Variants in ANKRD33B observed in about 807,000 individuals in gnomAD.
The protein encoded by ANKRD33B is ankyrin repeat domain 33B, also known as ankyrin repeat domain-containing protein 33B.
A neutral mutation model predicts 21.5 loss-of-function variants in ANKRD33B; 6 were observed. The observed-to-expected ratio is 0.28, with a 90% CI of 0.15 to 0.55. The LOEUF is 0.55. Ranked by LOEUF, ANKRD33B falls within the 20% of genes least tolerant of loss-of-function variation. The pLI, the probability that ANKRD33B is intolerant of heterozygous loss-of-function variation, is 0.94. For synonymous variants in ANKRD33B, 347 were observed against 342.4 expected, an observed-to-expected ratio of 1.01 and a Z score of -0.15; for missense variants, 698 against 747.2, an observed-to-expected ratio of 0.93 and a Z score of 0.77.
At chr5:10,585,761 GCATGGGGT>G (rs1191457152) in intron 1 of ANKRD33B, among the ~76,000 whole-genome samples, 3 of 152,248 alleles carry the variant, frequency 2.0e-5, no homozygotes, top group African/African-American at 7.2e-5. Context: ...ATGGCATAAA[GCATGGGGT>G]CATGGGGTCA....
chr5:10,564,678 A>G lies in ANKRD33B; in HGVS notation c.211A>G (p.Ser71Gly), dbSNP rs779496788. The change falls in exon 1 of 4, where the codon AGC becomes GGC. Residue 71 changes from serine (S) to glycine (G), a missense_variant. This residue lies in a region of ANKRD33B where 148 missense variants were observed against 154.9 expected (regional missense o/e 0.96). Coordinates refer to ENST00000296657, the MANE Select transcript of ANKRD33B (RefSeq NM_001164440.2). ...FEDEEEHGVE[S>G]AESVPEGVPE... ...GGACGAGGAGGAGCACGGCGTCGAGAGCGCGGAGAGCGTCCCGGAGGGCGT... is the reference window on the plus strand; with the variant it reads ...GGACGAGGAGGAGCACGGCGTCGAGGGCGCGGAGAGCGTCCCGGAGGGCGT... The G allele has an allele frequency of 2.7e-5, 41 of 1,534,360 alleles. No homozygotes were observed. Among genetic ancestry groups the G allele is most frequent in the Middle Eastern group, 2.2e-4 (1 of 4,630 alleles).
intron 1 of ANKRD33B, among the ~76,000 whole-genome samples, chr5:10,600,355 A>G (rs1313846261): frequency 1.3e-5 from 2 of 152,210 alleles, no homozygotes; most frequent in Non-Finnish European, 2.9e-5. Flanking sequence ...ACAATTTTTT[A>G]TTACCATATA....
intron 1 of ANKRD33B, among the ~76,000 whole-genome samples, chr5:10,575,643 A>G (rs1735304660): frequency 6.6e-6 from 1 of 152,132 alleles, no homozygotes; most frequent in Admixed American, 6.5e-5. Flanking sequence ...TGCACATTCA[A>G]GCACTTCTAG....
rs549637489 is a variant in ANKRD33B, at chr5:10,603,283, G to A, written c.367-15050G>A. ...CTTAAAAAAAATTTTTTTTTTTTGAGACAGGGTCTCATTCCCTCGCCCAGG... is the reference window on the plus strand; with the variant it reads ...CTTAAAAAAAATTTTTTTTTTTTGAAACAGGGTCTCATTCCCTCGCCCAGG... On this transcript the variant is annotated intron_variant, in intron 1 of 3. Coordinates refer to ENST00000296657, the MANE Select transcript of ANKRD33B (RefSeq NM_001164440.2). Among the ~76,000 whole-genome samples, 12 of 151,366 alleles carry A rather than the reference G, an allele frequency of 7.9e-5. No homozygotes were observed. The South Asian group carries it at 2.5e-3, about 32-fold the overall frequency.
In ANKRD33B at chr5:10,655,380, G is replaced by A. The variant is rs1361992577; in HGVS notation, c.*5267G>A. 1 of 152,326 alleles carries A rather than the reference G, an allele frequency of 6.6e-6. No homozygotes were observed. Among genetic ancestry groups the A allele is most frequent in the African/African-American group, 2.4e-5 (1 of 41,440 alleles). 9.4% of individuals were successfully genotyped at this position (152,326 alleles called of 1,614,324 possible). A position where few individuals can be genotyped will look rare whatever the true frequency, so the allele number is the denominator to read the frequency against. On this transcript the variant is annotated 3_prime_UTR_variant, in exon 4 of 4. Coordinates refer to ENST00000296657, the MANE Select transcript of ANKRD33B (RefSeq NM_001164440.2). ...AGAGGAAATGAATGGGACCTGAAAAGTGGGTCTGCCACATCCCTGGTAGCC... is the reference window on the plus strand; with the variant it reads ...AGAGGAAATGAATGGGACCTGAAAAATGGGTCTGCCACATCCCTGGTAGCC...
intron 1 of ANKRD33B, among the ~76,000 whole-genome samples, chr5:10,565,506 C>T (rs542733969): frequency 6.6e-6 from 1 of 152,386 alleles, no homozygotes; most frequent in South Asian, 2.1e-4. Context: ...CGGGGCTCCC[C>T]AGAGTCAGGG....
intron 1 of ANKRD33B, among the ~76,000 whole-genome samples, chr5:10,593,766 ACCTGGATCC>A (rs1422433244): frequency 6.6e-6 from 1 of 151,654 alleles, no homozygotes; most frequent in African/African-American, 2.4e-5. Context: ...ACCCTGGCTC[ACCTGGATCC>A]CCATTCCAGC....
intron 1 of ANKRD33B, among the ~76,000 whole-genome samples, chr5:10,610,279 A>G (rs774623876): frequency 2.0e-5 from 3 of 152,144 alleles, no homozygotes; most frequent in African/African-American, 4.8e-5. Context: ...TCCTGGGGCA[A>G]TTTTGCCTCC....
In ANKRD33B at chr5:10,650,228, A is replaced by G; in HGVS notation, c.*115A>G. The G allele has an allele frequency of 7.0e-6, 8 of 1,150,944 alleles. No homozygotes were observed. Among genetic ancestry groups the G allele is most frequent in the Non-Finnish European group, 9.1e-6 (8 of 875,420 alleles). The allele number at this position is 1,150,944 out of a possible 1,614,324, so 71.3% of individuals were successfully genotyped here. On this transcript the variant is annotated 3_prime_UTR_variant, in exon 4 of 4. Transcript: ENST00000296657. Reference sequence around the variant, plus strand: ...TCGCACCACTTCCGCTCCATGGACCACGGGGCTGCGCGCATTTCCAGGCTG... The same window carrying G: ...TCGCACCACTTCCGCTCCATGGACCGCGGGGCTGCGCGCATTTCCAGGCTG...
chr5:10,637,908 C>T, intron 2 of ANKRD33B, 120 bp from the exon 3 acceptor site: 3 of 1,185,040 alleles, frequency 2.5e-6, no homozygotes, highest in South Asian at 1.5e-5. Flanking sequence ...AAAACTCACA[C>T]AGCAGACCGG....
chr5:10,625,056 C>G (rs751047537), intron 2 of ANKRD33B: 2 of 302,478 alleles, frequency 6.6e-6, no homozygotes, highest in South Asian at 5.7e-5. Context: ...ACAGACCCCA[C>G]GAGAGATGTT....
chr5:10,613,379 G>A (rs1194052764), intron 1 of ANKRD33B, among the ~76,000 whole-genome samples: 1 of 150,992 alleles, frequency 6.6e-6, no homozygotes, highest in Non-Finnish European at 1.5e-5. Context: ...CTGCCTCCCG[G>A]GTTCATGCCA....
chr5:10,576,430 T>C lies in ANKRD33B; in HGVS notation c.366+11597T>C, dbSNP rs575436841. On this transcript the variant is annotated intron_variant, in intron 1 of 3. Transcript: ENST00000296657. The surrounding 1 kb of genome is among the most constrained non-coding windows in gnomAD (Gnocchi z 4.1). The stretch of plus-strand genomic sequence containing the variant: ...TCAAGGTCCTGAGATGATTTGCACA[T>C]ACATTTAAGTTTCAGGAGTTCTAGA... Among the ~76,000 whole-genome samples the C allele has an allele frequency of 3.3e-5, 5 of 152,284 alleles. No individual in the cohort carries two copies. Among genetic ancestry groups the C allele is most frequent in the Non-Finnish European group, 5.9e-5 (4 of 68,024 alleles).
chr5:10,648,030 T>A (rs1246863050), intron 3 of ANKRD33B, among the ~76,000 whole-genome samples: 1 of 152,162 alleles, frequency 6.6e-6, no homozygotes, highest in Non-Finnish European at 1.5e-5. Context: ...TGGTAGGAAG[T>A]ACATTAGACT....
intron 3 of ANKRD33B, among the ~76,000 whole-genome samples, chr5:10,644,679 A>G (rs1259417487): frequency 2.0e-5 from 3 of 152,232 alleles, no homozygotes; most frequent in Non-Finnish European, 4.4e-5. Flanking sequence ...ATGATTTCCA[A>G]CCATATAGAG....
At chr5:10,634,006 G>A (rs1736798033) in intron 2 of ANKRD33B, among the ~76,000 whole-genome samples, 1 of 152,244 alleles carries the variant, frequency 6.6e-6, no homozygotes, top group Non-Finnish European at 1.5e-5. Context: ...CTAGCCCCTT[G>A]AGAGTGGAGT....
chr5:10,598,926 A>G (rs935601004), intron 1 of ANKRD33B, among the ~76,000 whole-genome samples: 1 of 152,218 alleles, frequency 6.6e-6, no homozygotes, highest in Non-Finnish European at 1.5e-5. Context: ...GGTATAATTG[A>G]CATATGATAA....
At chr5:10,580,829 C>T (rs7729089) in intron 1 of ANKRD33B, among the ~76,000 whole-genome samples, 135,592 of 152,166 alleles carry the variant, frequency 0.89, 60,432 homozygotes, top group Middle Eastern at 0.96. Flanking sequence ...CCTCTTCCAT[C>T]CTTCCCTCTC....
chr5:10,611,980 T>C lies in ANKRD33B; in HGVS notation c.367-6353T>C, dbSNP rs538898611. Among the ~76,000 whole-genome samples the C allele has an allele frequency of 1.6e-4, 25 of 152,276 alleles. No individual in the cohort carries two copies. In the South Asian group the frequency reaches 5.2e-3, roughly 32 times the overall value. ...CACATGTGTTGAAGATTCCCTGCCT[T>C]ACTGGGGCCTCCCTCTCATGCTCTT... On this transcript the variant is annotated intron_variant, in intron 1 of 3. Transcript: ENST00000296657.
Sources: gnomAD v4.1 joint callset for allele counts (sites outside exome capture counted in the v4.1 genomes callset) on GRCh38, gnomAD v4.1.1 for gene constraint, gnomAD v4.1.1 regional missense constraint, Gnocchi (gnomAD v3.1) non-coding constraint, MANE v1.5 for transcripts, NCBI Gene and HGNC (gene_info 2026-07-23, HGNC 2026-07-21) for gene names.